ZNF160: variants seen among roughly 807,000 people sequenced by gnomAD.
ZNF160 encodes KRAB zinc finger protein KR18.
In ZNF160, 9 loss-of-function variants were observed where a neutral mutation model predicts 13.1. The ratio of observed to expected loss-of-function variants is 0.69; its 90% CI spans 0.41 to 1.20. ZNF160 has a LOEUF of 1.20. ZNF160 is among the 50% of genes most tolerant of loss of function. The pLI is 0.01. For synonymous variants in ZNF160, 293 were observed against 333.2 expected, an observed-to-expected ratio of 0.88 and a Z score of 1.31; for missense variants, 838 against 988.0, an observed-to-expected ratio of 0.85 and a Z score of 2.04.
rs56752437 is a variant in ZNF160, at chr19:53,079,549, TAAAAAAA to T, written c.16-4373_16-4367del. On this transcript the variant is annotated intron_variant, in intron 3 of 5. Coordinates refer to ENST00000683776, the MANE Select transcript of ZNF160 (RefSeq NM_001322131.2). ...TGAGCAACAAGAGCAAAACTCCATCTAAAAAAAAAAAAAAAAAAAAAAAATAGGCTCA... is the reference window on the plus strand; with the variant it reads ...TGAGCAACAAGAGCAAAACTCCATCTAAAAAAAAAAAAAAAAATAGGCTCA... Among the ~76,000 whole-genome samples, 36 of 100,374 alleles carry T rather than the reference TAAAAAAA, an allele frequency of 3.6e-4. 1 individual carries two copies. Among genetic ancestry groups the T allele is most frequent in the South Asian group, 3.5e-3 (10 of 2,850 alleles). 65.8% of individuals were successfully genotyped at this position (100,374 alleles called of 152,430 possible).
At chr19:53,089,587 A>G (rs1313831306) in intron 2 of ZNF160, among the ~76,000 whole-genome samples, 1 of 152,190 alleles carries the variant, frequency 6.6e-6, no homozygotes, top group Non-Finnish European at 1.5e-5. Context: ...TGCCATAATT[A>G]TAAAATGCAT....
intron 3 of ZNF160, among the ~76,000 whole-genome samples, chr19:53,078,051 C>G (rs938810125): frequency 1.3e-5 from 2 of 152,042 alleles, no homozygotes; most frequent in African/African-American, 2.4e-5. Context: ...ACCAGCCTGG[C>G]CAACATGATG....
intron 2 of ZNF160, among the ~76,000 whole-genome samples, chr19:53,089,036 T>A (rs2084943676): frequency 6.6e-6 from 1 of 152,224 alleles, no homozygotes; most frequent in African/African-American, 2.4e-5. Context: ...ACATACTTTA[T>A]AATAAATGAG....
chr19:53,077,865 A>G (rs1225820648), intron 3 of ZNF160, among the ~76,000 whole-genome samples: 1 of 152,016 alleles, frequency 6.6e-6, no homozygotes, highest in Non-Finnish European at 1.5e-5. Context: ...CAGAAAAACA[A>G]TAAATATGAG....
At chr19:53,101,375 C>T (rs1037150909) in intron 1 of ZNF160, among the ~76,000 whole-genome samples, 1 of 151,702 alleles carries the variant, frequency 6.6e-6, no homozygotes, top group African/African-American at 2.4e-5. Context: ...GCATGCAGAC[C>T]TCAATCTGAA....
At chr19:53,095,671 G>A (rs182881892) in intron 1 of ZNF160, 3 of 152,104 alleles carry the variant, frequency 2.0e-5, no homozygotes, top group African/African-American at 7.2e-5. Flanking sequence ...TTTGCATAAC[G>A]GATGAGGAAT....
chr19:53,077,994 C>T (rs545821900), intron 3 of ZNF160, among the ~76,000 whole-genome samples: 1 of 152,284 alleles, frequency 6.6e-6, no homozygotes, highest in East Asian at 1.9e-4. Context: ...GTAATCCCAG[C>T]ACTTTGGGAG....
Position 53,086,295 on chromosome 19 carries a change from C to G in ZNF160, c.-19G>C, listed in dbSNP as rs2084828166. On this transcript the variant is annotated 5_prime_UTR_variant, in exon 3 of 6. Transcript: ENST00000683776. ...GGGCCATCCCTGACTCCTTTTCTTTCCTCTTCCTCTTCTTCCAGACTTCTT... is the reference window on the plus strand; with the variant it reads ...GGGCCATCCCTGACTCCTTTTCTTTGCTCTTCCTCTTCTTCCAGACTTCTT... 6.3e-7 allele frequency: 1 copy of G among 1,583,424 alleles called. No individual in the cohort carries two copies. The highest frequency in any genetic ancestry group is 1.9e-5 in the Admixed American group (1 of 53,296).
At chr19:53,079,638 C>G (rs2084547460) in intron 3 of ZNF160, among the ~76,000 whole-genome samples, 1 of 135,006 alleles carries the variant, frequency 7.4e-6, no homozygotes, top group African/African-American at 2.9e-5. Context: ...GGCTATGACA[C>G]CAAAAGGAAA....
chr19:53,102,127 C>T (rs972516072), intron 1 of ZNF160, among the ~76,000 whole-genome samples: 2 of 151,970 alleles, frequency 1.3e-5, no homozygotes, highest in Non-Finnish European at 2.9e-5. Context: ...TTTGTTTTTT[C>T]CCCTTATATC....
In ZNF160 at chr19:53,070,047, T is replaced by C; in HGVS notation, c.487A>G (p.Lys163Glu). The change falls in exon 6 of 6, where the codon AAA becomes GAA. Residue 163 changes from lysine (K) to glutamate (E), a missense_variant. This residue lies in a region of ZNF160 where 387 missense variants were observed against 402.3 expected (regional missense o/e 0.96). Transcript: ENST00000683776. ...KGVLMAQKEG[K>E]RDQRDRRDIE... is the part of the protein sequence containing the mutation. ...TCTCTTCTGTCGCGTTGATCTCTTT[T>C]ACCTTCTTTCTGGGCCATAAGCACT... The C allele has an allele frequency of 3.7e-6, 6 of 1,614,128 alleles. No individual in the cohort carries two copies. The highest frequency in any genetic ancestry group is 5.1e-6 in the Non-Finnish European group (6 of 1,179,980).
At chr19:53,099,663 G>C (rs2085372868) in intron 1 of ZNF160, among the ~76,000 whole-genome samples, 1 of 152,168 alleles carries the variant, frequency 6.6e-6, no homozygotes, top group Admixed American at 6.5e-5. Flanking sequence ...AAAGGACTGA[G>C]TCCCATTTAA....
intron 5 of ZNF160, chr19:53,073,575 G>C (rs570004057): frequency 2.3e-4 from 342 of 1,508,058 alleles, no homozygotes; most frequent in Non-Finnish European, 2.8e-4. Flanking sequence ...GGACTATGGA[G>C]GCTTCCCCTC....
intron 1 of ZNF160, among the ~76,000 whole-genome samples, chr19:53,099,630 GGTTTT>G (rs2085371505): frequency 1.3e-5 from 2 of 152,146 alleles, no homozygotes; most frequent in African/African-American, 4.8e-5. Flanking sequence ...TTGTGGTTTT[GGTTTT>G]GTTTTGTTTT....
At chr19:53,092,341 C>G (rs1001045794) in intron 1 of ZNF160, among the ~76,000 whole-genome samples, 1 of 151,888 alleles carries the variant, frequency 6.6e-6, no homozygotes, top group Non-Finnish European at 1.5e-5. Flanking sequence ...GACAGAGTCT[C>G]CCTCTGTCGC....
Position 53,070,104 on chromosome 19 carries a change from GACACTC to G in ZNF160, c.424_429del (p.Glu142_Cys143del). On this transcript the variant is annotated inframe_deletion, in exon 6 of 6. Transcript: ENST00000683776. Reference sequence around the variant, plus strand: ...TAATTTCCTGTGTCATCTCTCCATTGACACTCAAAATCATGCACATTTTTCTGGGGT... The same window carrying G: ...TAATTTCCTGTGTCATCTCTCCATTGAAAATCATGCACATTTTTCTGGGGT... 1 of 1,614,044 alleles carries G rather than the reference GACACTC, an allele frequency of 6.2e-7. No homozygotes were observed. The highest frequency in any genetic ancestry group is 2.2e-5 in the East Asian group (1 of 44,870).
chr19:53,081,818 CAT>C (rs1209804062), intron 3 of ZNF160, among the ~76,000 whole-genome samples: 4 of 152,228 alleles, frequency 2.6e-5, no homozygotes, highest in African/African-American at 7.2e-5. Context: ...CACCTATATT[CAT>C]ATGTTTATTG....
At chr19:53,099,100 C>CTGTGTCCTCCAACGGAGGG (rs57738540) in intron 1 of ZNF160, among the ~76,000 whole-genome samples, 2 of 145,550 alleles carry the variant, frequency 1.4e-5, no homozygotes, top group African/African-American at 2.7e-5. Context: ...AAGATGGAGA[C>CTGTGTCCTCCAACGGAGGG]ACAAAACACT....
rs368897306 is a variant in ZNF160 at position 53,070,240 on chromosome 19, G to C, written c.294C>G (p.Ile98Met). The change falls in exon 6 of 6, where the codon ATC becomes ATG. Residue 98 changes from isoleucine to methionine, a missense_variant. Transcript: ENST00000683776. ...VVTDIPPKCTIKDLLPKEKSS... is the reference protein window; with the variant it reads ...VVTDIPPKCTMKDLLPKEKSS... The stretch of plus-strand genomic sequence containing the variant: ...TCTTCTCTTTTGGTAGCAAATCCTT[G>C]ATTGTACATTTAGGAGGGATATCTA... 2.5e-6 allele frequency: 4 copies of C among 1,601,894 alleles called. No individual in the cohort carries two copies. Among genetic ancestry groups the C allele is most frequent in the African/African-American group, 1.3e-5 (1 of 74,292 alleles).
Sources: allele counts gnomAD v4.1 joint callset (sites outside exome capture counted in the v4.1 genomes callset), GRCh38; gene constraint gnomAD v4.1.1; regional missense constraint gnomAD v4.1.1; transcripts MANE v1.5; gene names NCBI Gene and HGNC (gene_info 2026-07-23, HGNC 2026-07-21).